Variants in NAV3 observed in about 807,000 individuals in gnomAD.
NAV3 encodes neuron navigator 3.
Under a neutral mutation model 244.7 loss-of-function variants are expected in NAV3, and 87 were observed. That is an observed-to-expected ratio of 0.36 (90% CI 0.30 to 0.42). NAV3 has a LOEUF of 0.42. NAV3 is among the 20% of genes least tolerant of loss of function. The pLI, the probability that NAV3 is intolerant of heterozygous loss-of-function variation, is 1.00. For missense variants in NAV3, 2,663 were observed against 2,893.3 expected (o/e 0.92, Z 1.83); for synonymous variants, 1,126 against 1,042.2 (o/e 1.08, Z -1.55).
intron 12 of NAV3, among the ~76,000 whole-genome samples, chr12:78,071,173 T>A (rs1161597193): frequency 6.6e-6 from 1 of 152,182 alleles, no homozygotes; most frequent in African/African-American, 2.4e-5. Flanking sequence ...CCACCAACAG[T>A]GTAAAAGTGT....
chr12:77,673,256 T>C (rs1592567773), intron 2 of NAV3, among the ~76,000 whole-genome samples: 2 of 152,300 alleles, frequency 1.3e-5, no homozygotes, highest in East Asian at 1.9e-4. Flanking sequence ...TATGTTACAT[T>C]TAAAATGTCC....
At chr12:77,969,767 C>A (rs971508962) in intron 5 of NAV3, among the ~76,000 whole-genome samples, 1 of 152,090 alleles carries the variant, frequency 6.6e-6, no homozygotes, top group Admixed American at 6.6e-5. Context: ...TTGCTTGAAC[C>A]AGGGAGGCAG....
chr12:77,696,874 A>G (rs1875328701), intron 2 of NAV3, among the ~76,000 whole-genome samples: 1 of 152,184 alleles, frequency 6.6e-6, no homozygotes. Context: ...AGTTTGACTC[A>G]TGTACATTTA....
At chr12:77,593,331 C>A (rs532382583) in intron 2 of NAV3, among the ~76,000 whole-genome samples, 38 of 151,520 alleles carry the variant, frequency 2.5e-4, no homozygotes, top group African/African-American at 8.9e-4. Flanking sequence ...CAGTATAAAG[C>A]TGATTACAAC....
intron 3 of NAV3, among the ~76,000 whole-genome samples, chr12:77,960,275 A>G (rs1419735461): frequency 6.6e-6 from 1 of 151,950 alleles, no homozygotes; most frequent in Non-Finnish European, 1.5e-5. Context: ...TCTCTTTTTT[A>G]TTTGACTGCT....
chr12:77,955,873 AAAAAG>A (rs1240124680), intron 3 of NAV3, among the ~76,000 whole-genome samples: 4 of 152,072 alleles, frequency 2.6e-5, no homozygotes, highest in Non-Finnish European at 5.9e-5. Flanking sequence ...CCTGTCTCGA[AAAAAG>A]AAAAGAAAAG....
At chr12:77,988,260 G>C (rs911840090) in intron 5 of NAV3, among the ~76,000 whole-genome samples, 1 of 152,104 alleles carries the variant, frequency 6.6e-6, no homozygotes, top group African/African-American at 2.4e-5. Flanking sequence ...CAGTGTTGTT[G>C]GTCTACAGAC....
chr12:77,707,476 G>A (rs1473785510), intron 2 of NAV3, among the ~76,000 whole-genome samples: 1 of 152,110 alleles, frequency 6.6e-6, no homozygotes, highest in Non-Finnish European at 1.5e-5. Flanking sequence ...TGGACATTTG[G>A]TTGGTTTCAA....
At chr12:77,639,211 T>C (rs142395554) in intron 2 of NAV3, among the ~76,000 whole-genome samples, 2 of 152,168 alleles carry the variant, frequency 1.3e-5, no homozygotes, top group African/African-American at 4.8e-5. Context: ...TTTATCCTCA[T>C]CTTGTATGTT....
At chr12:77,763,716 T>C (rs1486015247) in intron 2 of NAV3, among the ~76,000 whole-genome samples, 1 of 152,216 alleles carries the variant, frequency 6.6e-6, no homozygotes, top group Non-Finnish European at 1.5e-5. Context: ...GATGCTCTCT[T>C]GGAACTAGGA....
At chr12:77,808,045 C>T (rs1476072111) in intron 2 of NAV3, among the ~76,000 whole-genome samples, 1 of 152,156 alleles carries the variant, frequency 6.6e-6, no homozygotes, top group Non-Finnish European at 1.5e-5. Flanking sequence ...ATGTTCTTCT[C>T]TCAACTGGTT....
chr12:77,931,941 AGTT>A (rs1888848454), intron 1 of NAV3, among the ~76,000 whole-genome samples: 2 of 151,786 alleles, frequency 1.3e-5, no homozygotes, highest in Admixed American at 1.3e-4. Context: ...TGATGCACAT[AGTT>A]GTTAATGTCT....
At chr12:77,751,365 G>T (rs995505167) in intron 2 of NAV3, among the ~76,000 whole-genome samples, 1 of 152,098 alleles carries the variant, frequency 6.6e-6, no homozygotes, top group Non-Finnish European at 1.5e-5. Flanking sequence ...ATATGGTTTG[G>T]CTGTGTCCCT....
intron 2 of NAV3, among the ~76,000 whole-genome samples, chr12:77,593,631 C>CTTTT (rs566083715): frequency 8.4e-6 from 1 of 118,506 alleles, no homozygotes; most frequent in Admixed American, 8.5e-5. Context: ...ATCCCAGCTA[C>CTTTT]TTTTTTTTTT....
chr12:77,616,835 T>A (rs1053446465), intron 2 of NAV3, among the ~76,000 whole-genome samples: 2 of 152,174 alleles, frequency 1.3e-5, no homozygotes, highest in Admixed American at 6.5e-5. Context: ...TGGAATGATA[T>A]TCTGCAGAAA....
At chr12:77,912,664 C>T (rs1357467194) in intron 1 of NAV3, among the ~76,000 whole-genome samples, 1 of 152,058 alleles carries the variant, frequency 6.6e-6, no homozygotes, top group Non-Finnish European at 1.5e-5. Flanking sequence ...GAGTTTCACT[C>T]TTGTGGCCCA....
chr12:77,748,442 T>G (rs1417680754), intron 2 of NAV3, among the ~76,000 whole-genome samples: 1 of 152,220 alleles, frequency 6.6e-6, no homozygotes, highest in African/African-American at 2.4e-5. Flanking sequence ...TAAATTACAT[T>G]ATACTTTTAA....
At chr12:77,995,397 AGT>A (rs1300318124) in intron 6 of NAV3, among the ~76,000 whole-genome samples, 2 of 152,200 alleles carry the variant, frequency 1.3e-5, no homozygotes, top group African/African-American at 2.4e-5. Flanking sequence ...AGTAAATGAT[AGT>A]GCGTTATATA....
chr12:77,695,056 T>C (rs1192431133), intron 2 of NAV3, among the ~76,000 whole-genome samples: 2 of 152,214 alleles, frequency 1.3e-5, no homozygotes, highest in Non-Finnish European at 2.9e-5. Context: ...TTATAAGCCA[T>C]GCTAAAACAT....
Sources: gnomAD v4.1 joint callset for allele counts (sites outside exome capture counted in the v4.1 genomes callset) on GRCh38, gnomAD v4.1.1 for gene constraint, MANE v1.5 for transcripts, NCBI Gene and HGNC (gene_info 2026-07-23, HGNC 2026-07-21) for gene names.